Variants in LDLRAD4 observed in about 807,000 individuals in gnomAD.
LDLRAD4 encodes low density lipoprotein receptor class A domain containing 4, also known as low-density lipoprotein receptor class A domain-containing protein 4.
In LDLRAD4, 5 loss-of-function variants were observed where a neutral mutation model predicts 17.0. The observed-to-expected ratio is 0.29, with a 90% CI of 0.15 to 0.62. The LOEUF (loss-of-function observed/expected upper bound fraction) is 0.62. Among genes scored for constraint, LDLRAD4 ranks in the 20% least tolerant of loss-of-function variants. LDLRAD4 has a pLI of 0.84. For synonymous variants in LDLRAD4, 168 were observed against 171.8 expected (o/e 0.98, Z 0.17); for missense variants, 340 against 424.7 (o/e 0.80, Z 1.75).
chr18:13,384,663 T>A (rs911962633), intron 1 of LDLRAD4, among the ~76,000 whole-genome samples: 1 of 152,230 alleles, frequency 6.6e-6, no homozygotes, highest in Non-Finnish European at 1.5e-5. Flanking sequence ...GATCATGTAG[T>A]ACTTGTCTTT....
intron 1 of LDLRAD4, among the ~76,000 whole-genome samples, chr18:13,351,344 A>T (rs1020930501): frequency 1.3e-5 from 2 of 152,092 alleles, no homozygotes; most frequent in Non-Finnish European, 2.9e-5. Context: ...AGTCCTTCAC[A>T]TCCCTTGTTA....
At chr18:13,587,445 C>T (rs913356416) in intron 3 of LDLRAD4, among the ~76,000 whole-genome samples, 2 of 152,162 alleles carry the variant, frequency 1.3e-5, no homozygotes, top group Non-Finnish European at 2.9e-5. Context: ...GTCAGATTCC[C>T]TCACAGAAAG....
intron 1 of LDLRAD4, among the ~76,000 whole-genome samples, chr18:13,371,628 G>A (rs2084518829): frequency 1.3e-5 from 2 of 152,056 alleles, no homozygotes; most frequent in African/African-American, 4.8e-5. Flanking sequence ...AGCCGGGCAT[G>A]GTGGTGTACA....
At chr18:13,612,354 C>T in intron 3 of LDLRAD4, 5 of 1,133,112 alleles carry the variant, frequency 4.4e-6, no homozygotes, top group Non-Finnish European at 5.4e-6. Context: ...GTCTCAGGAT[C>T]GGAGACCCCG....
intron 1 of LDLRAD4, among the ~76,000 whole-genome samples, chr18:13,299,201 C>T (rs1207152678): frequency 6.6e-6 from 1 of 152,156 alleles, no homozygotes; most frequent in Non-Finnish European, 1.5e-5. Flanking sequence ...TCAATGCTGG[C>T]GAGACCCTCT....
At chr18:13,642,893 TTTTGTTTGTTTG>T (rs370401857) in intron 4 of LDLRAD4, 2 of 464,940 alleles carry the variant, frequency 4.3e-6, no homozygotes, top group Non-Finnish European at 6.9e-6. Context: ...GCTCCACGTT[TTTTGTTTGTTTG>T]TTTGTTTGTT....
chr18:13,499,945 C>G (rs557715238), intron 3 of LDLRAD4, among the ~76,000 whole-genome samples: 1 of 152,182 alleles, frequency 6.6e-6, no homozygotes, highest in Non-Finnish European at 1.5e-5. Context: ...ACAAAAGACA[C>G]CAGCACTGTC....
intron 1 of LDLRAD4, among the ~76,000 whole-genome samples, chr18:13,359,179 A>G (rs183344959): frequency 3.9e-5 from 6 of 152,334 alleles, no homozygotes; most frequent in South Asian, 4.1e-4. Context: ...AGGCATTGAC[A>G]CACTATAGGT....
In LDLRAD4 at chr18:13,645,229, G is replaced by A; in HGVS notation, c.493G>A (p.Glu165Lys). Residue 165 changes from glutamate to lysine, a missense_variant, in exon 6 of 6, where the codon GAG becomes AAG. Glu to Lys is a moderately conservative substitution (Grantham distance 56). Transcript: ENST00000359446. This position sits in a 1 kb window ranked among gnomAD's most constrained non-coding sequence, Gnocchi z 5.7. ...GCCCACCTACCCCTATGTGCAGCACGAGATTGATCTTCCTCCCACCATCTC... is the reference window on the plus strand; with the variant it reads ...GCCCACCTACCCCTATGTGCAGCACAAGATTGATCTTCCTCCCACCATCTC... 1.9e-6 allele frequency: 3 copies of A among 1,614,100 alleles called. No individual in the cohort carries two copies. Among genetic ancestry groups the A allele is most frequent in the African/African-American group, 1.3e-5 (1 of 75,028 alleles).
At chr18:13,287,574 A>C (rs1468587328) in intron 1 of LDLRAD4, among the ~76,000 whole-genome samples, 1 of 152,142 alleles carries the variant, frequency 6.6e-6, no homozygotes, top group Non-Finnish European at 1.5e-5. Context: ...CGACGGCGCC[A>C]CCCTATGGTG....
chr18:13,482,522 A>C (rs2093118263), intron 3 of LDLRAD4, among the ~76,000 whole-genome samples: 1 of 152,176 alleles, frequency 6.6e-6, no homozygotes, highest in Non-Finnish European at 1.5e-5. Context: ...TCCCCCCATC[A>C]CCACTCAGAA....
intron 2 of LDLRAD4, among the ~76,000 whole-genome samples, chr18:13,404,380 G>T (rs1217987124): frequency 6.6e-6 from 1 of 152,208 alleles, no homozygotes; most frequent in Non-Finnish European, 1.5e-5. Flanking sequence ...CCGCAGCCTG[G>T]CTGTGCCTTC....
At chr18:13,609,416 C>A (rs2039272174) in intron 3 of LDLRAD4, among the ~76,000 whole-genome samples, 1 of 152,116 alleles carries the variant, frequency 6.6e-6, no homozygotes, top group Non-Finnish European at 1.5e-5. Context: ...CCAGACAGCC[C>A]CTCAGAGGCG....
At chr18:13,404,317 C>T (rs538593231) in intron 2 of LDLRAD4, among the ~76,000 whole-genome samples, 6 of 152,260 alleles carry the variant, frequency 3.9e-5, no homozygotes, top group Middle Eastern at 3.4e-3. Flanking sequence ...GAGATGTGCA[C>T]GGGACACTCG....
intron 4 of LDLRAD4, among the ~76,000 whole-genome samples, chr18:13,634,174 A>G (rs988584266): frequency 2.0e-5 from 3 of 152,228 alleles, no homozygotes; most frequent in Admixed American, 2.0e-4. Context: ...TGCTTTCACT[A>G]CTTCTGTTCA....
At chr18:13,595,451 T>C (rs1255562359) in intron 3 of LDLRAD4, among the ~76,000 whole-genome samples, 1 of 152,182 alleles carries the variant, frequency 6.6e-6, no homozygotes, top group Non-Finnish European at 1.5e-5. Flanking sequence ...AGATTTCCTT[T>C]TGGGGGAGAA....
At chr18:13,410,063 C>T (rs574794199) in intron 2 of LDLRAD4, among the ~76,000 whole-genome samples, 2 of 152,156 alleles carry the variant, frequency 1.3e-5, no homozygotes, top group African/African-American at 2.4e-5. Flanking sequence ...TTATTCTAAT[C>T]GTGATAAGAC....
intron 1 of LDLRAD4, among the ~76,000 whole-genome samples, chr18:13,324,145 T>C (rs906548273): frequency 3.6e-4 from 55 of 151,946 alleles, no homozygotes; most frequent in Admixed American, 1.2e-3. Flanking sequence ...GTGTCTATTT[T>C]TTTTTTTTTT....
At chr18:13,429,672 C>T (rs867762326) in intron 2 of LDLRAD4, among the ~76,000 whole-genome samples, 2 of 152,204 alleles carry the variant, frequency 1.3e-5, no homozygotes, top group African/African-American at 4.8e-5. Context: ...GGTGTGAGAA[C>T]GCAAAGAGGC....
Sources: gnomAD v4.1 joint callset for allele counts (sites outside exome capture counted in the v4.1 genomes callset) on GRCh38, gnomAD v4.1.1 for gene constraint, Gnocchi (gnomAD v3.1) non-coding constraint, MANE v1.5 for transcripts, NCBI Gene and HGNC (gene_info 2026-07-23, HGNC 2026-07-21) for gene names.